Variants in PLD5 observed in about 807,000 individuals in gnomAD.
PLD5 encodes phospholipase D family member 5.
PLD5 carries 36 observed loss-of-function variants against 61.1 expected under a neutral mutation model. That is an observed-to-expected ratio of 0.59 (90% CI 0.45 to 0.78). The LOEUF is 0.78. PLD5 is among the 30% of genes least tolerant of loss of function. The probability of loss-of-function intolerance (pLI) is 0.00; values close to 1 mark genes in which losing one functional copy is unlikely to be tolerated. For synonymous variants in PLD5, 243 were observed against 242.8 expected, an observed-to-expected ratio of 1.00 and a Z score of -0.01; for missense variants, 515 against 644.4, an observed-to-expected ratio of 0.80 and a Z score of 2.17.
At chr1:242,440,554 C>T (rs1406104333) in intron 1 of PLD5, among the ~76,000 whole-genome samples, 1 of 152,164 alleles carries the variant, frequency 6.6e-6, no homozygotes, top group East Asian at 1.9e-4. Context: ...TGCAGTTAAC[C>T]AATTATGAGG....
chr1:242,401,958 G>A (rs1232522149), intron 1 of PLD5, among the ~76,000 whole-genome samples: 1 of 152,208 alleles, frequency 6.6e-6, no homozygotes, highest in African/African-American at 2.4e-5. Flanking sequence ...TGAGGTTGGA[G>A]TCATGTTCTA....
rs756379452 is a variant in PLD5, at chr1:242,089,690, C to T, written c.*164G>A. 1.1e-4 allele frequency: 90 copies of T among 849,456 alleles called. No homozygotes were observed. The highest frequency in any genetic ancestry group is 2.9e-4 in the Admixed American group (11 of 37,356). 52.6% of individuals were successfully genotyped at this position (849,456 alleles called of 1,614,324 possible). A position where few individuals can be genotyped will look rare whatever the true frequency, so the allele number is the denominator to read the frequency against. On this transcript the variant is annotated 3_prime_UTR_variant, in exon 10 of 10. Coordinates refer to ENST00000536534, the MANE Select transcript of PLD5 (RefSeq NM_001372062.1). ...AAAGTCTTAATTTTAGTGTACACGA[C>T]GCTAAGATATTGTTAGATAGGTATT...
chr1:242,388,187 T>C (rs550482382), intron 1 of PLD5, among the ~76,000 whole-genome samples: 9 of 152,252 alleles, frequency 5.9e-5, no homozygotes, highest in Admixed American at 5.9e-4. Flanking sequence ...TAGACGATAG[T>C]GTGATTGCAG....
chr1:242,152,824 C>A (rs1010536633), intron 5 of PLD5, among the ~76,000 whole-genome samples: 1 of 152,110 alleles, frequency 6.6e-6, no homozygotes, highest in Non-Finnish European at 1.5e-5. Context: ...CATACGTGTG[C>A]ATGTGTCTTT....
intron 5 of PLD5, among the ~76,000 whole-genome samples, chr1:242,154,131 A>T (rs1665156031): frequency 6.6e-6 from 1 of 152,166 alleles, no homozygotes; most frequent in Admixed American, 6.5e-5. Flanking sequence ...GAGTTCACTC[A>T]TGATTTGGCT....
At chr1:242,173,514 T>A (rs1349248978) in intron 5 of PLD5, among the ~76,000 whole-genome samples, 1 of 152,150 alleles carries the variant, frequency 6.6e-6, no homozygotes, top group African/African-American at 2.4e-5. Context: ...CCCATCAAGC[T>A]ACCAATGACT....
intron 1 of PLD5, among the ~76,000 whole-genome samples, chr1:242,352,991 G>A (rs528862574): frequency 3.0e-4 from 46 of 152,270 alleles, no homozygotes; most frequent in African/African-American, 1.1e-3. Context: ...CCTAGGTTGT[G>A]TCTTCACTCT....
intron 1 of PLD5, among the ~76,000 whole-genome samples, chr1:242,435,945 GA>G (rs1665974866): frequency 6.6e-6 from 1 of 152,048 alleles, no homozygotes; most frequent in South Asian, 2.1e-4. Flanking sequence ...AGTAGAGAAA[GA>G]AAAAAACTCC....
intron 1 of PLD5, among the ~76,000 whole-genome samples, chr1:242,374,355 A>G (rs1255416856): frequency 2.0e-5 from 3 of 152,166 alleles, no homozygotes; most frequent in African/African-American, 7.2e-5. Context: ...CAGTTCCTCC[A>G]TTGATCGGAG....
At chr1:242,262,428 T>C (rs1295889718) in intron 4 of PLD5, among the ~76,000 whole-genome samples, 1 of 152,236 alleles carries the variant, frequency 6.6e-6, no homozygotes, top group South Asian at 2.1e-4. Context: ...ATTTAATACT[T>C]GTGCCTTTTA....
chr1:242,100,833 C>A, intron 8 of PLD5, 51 bp from the exon 9 acceptor site: 2 of 1,267,166 alleles, frequency 1.6e-6, no homozygotes, highest in South Asian at 2.4e-5. Flanking sequence ...CGTTTCTGGT[C>A]TTGTCCAAGA....
intron 5 of PLD5, among the ~76,000 whole-genome samples, chr1:242,170,202 T>C (rs1244148176): frequency 6.6e-6 from 1 of 152,152 alleles, no homozygotes; most frequent in African/African-American, 2.4e-5. Flanking sequence ...GCATCTGGCA[T>C]GTGCCCCTCT....
chr1:242,508,308 G>A (rs1016343784), intron 1 of PLD5, among the ~76,000 whole-genome samples: 8 of 152,084 alleles, frequency 5.3e-5, no homozygotes, highest in Non-Finnish European at 1.2e-4. Flanking sequence ...GGGAGGTAGA[G>A]GCTGCAGTGA....
At chr1:242,177,850 C>T (rs1006139535) in intron 5 of PLD5, 8 of 152,216 alleles carry the variant, frequency 5.3e-5, no homozygotes, top group African/African-American at 1.7e-4. Flanking sequence ...GTTACCAAAT[C>T]GCCTTCCACA....
In PLD5 at chr1:242,207,771, T is replaced by TA. The variant is rs1345339907; in HGVS notation, c.735+12216dup. Among the ~76,000 whole-genome samples the TA allele has an allele frequency of 2.5e-4, 27 of 109,862 alleles. 3 individuals are homozygous for TA. The highest frequency in any genetic ancestry group is 1.4e-3 in the African/African-American group (27 of 19,704). The allele number at this position is 109,862 out of a possible 152,430, so 72.1% of individuals were successfully genotyped here. Reference sequence around the variant, plus strand: ...ATTTATATATATTTATATTTATATATATTTATATATATTTATATTTATATA... The same window carrying TA: ...ATTTATATATATTTATATTTATATATAATTTATATATATTTATATTTATATA... On this transcript the variant is annotated intron_variant, in intron 5 of 9. Transcript: ENST00000536534.
intron 1 of PLD5, among the ~76,000 whole-genome samples, chr1:242,372,104 C>T (rs976142940): frequency 3.9e-5 from 6 of 152,086 alleles, no homozygotes; most frequent in Non-Finnish European, 8.8e-5. Context: ...ATGTAGAGGA[C>T]CTTACATCAC....
chr1:242,169,187 C>T (rs1666558212), intron 5 of PLD5, among the ~76,000 whole-genome samples: 2 of 152,084 alleles, frequency 1.3e-5, no homozygotes, highest in South Asian at 4.2e-4. Flanking sequence ...CTGCAGCTCC[C>T]AGCAAGATCA....
chr1:242,284,972 T>G (rs1244521493), intron 3 of PLD5, among the ~76,000 whole-genome samples: 1 of 152,168 alleles, frequency 6.6e-6, no homozygotes, highest in Non-Finnish European at 1.5e-5. Flanking sequence ...TGTACAGAAG[T>G]CTGTTGCTAT....
intron 1 of PLD5, among the ~76,000 whole-genome samples, chr1:242,522,032 T>C (rs968050744): frequency 6.6e-6 from 1 of 152,230 alleles, no homozygotes; most frequent in African/African-American, 2.4e-5. Context: ...ATTAATTCAT[T>C]AAAAATGTTC....
Sources: gnomAD v4.1 joint callset for allele counts (sites outside exome capture counted in the v4.1 genomes callset) on GRCh38, gnomAD v4.1.1 for gene constraint, MANE v1.5 for transcripts, NCBI Gene and HGNC (gene_info 2026-07-23, HGNC 2026-07-21) for gene names.